Variants in KIAA0319L observed in about 807,000 individuals in gnomAD.
KIAA0319L encodes dyslexia-associated protein KIAA0319-like protein.
In KIAA0319L, 55 loss-of-function variants were observed where a neutral mutation model predicts 120.1. The observed-to-expected ratio is 0.46, with a 90% CI of 0.37 to 0.57. The LOEUF is 0.57. Among genes scored for constraint, KIAA0319L ranks in the 20% least tolerant of loss-of-function variants. The probability of loss-of-function intolerance (pLI) is 0.00; values close to 1 mark genes in which losing one functional copy is unlikely to be tolerated. For missense variants in KIAA0319L, 1,049 were observed against 1,255.3 expected (o/e 0.84, Z 2.48); for synonymous variants, 398 against 471.9 (o/e 0.84, Z 2.03).
At chr1:35,527,793 A>G (rs1205613274) in intron 2 of KIAA0319L, among the ~76,000 whole-genome samples, 1 of 151,754 alleles carries the variant, frequency 6.6e-6, no homozygotes, top group Non-Finnish European at 1.5e-5. Context: ...TAGTCTAGCT[A>G]GTGGTTTATT....
In KIAA0319L at chr1:35,453,598, T is replaced by G; in HGVS notation, c.1872A>C (p.Ser624=). 6.2e-7 allele frequency: 1 copy of G among 1,614,142 alleles called. No individual in the cohort carries two copies. Among genetic ancestry groups the G allele is most frequent in the Non-Finnish European group, 8.5e-7 (1 of 1,179,982 alleles). Residue 624 remains serine (S), a synonymous_variant, in exon 12 of 21, where the codon TCA becomes TCC. Transcript: ENST00000325722. The surrounding 1 kb of genome is among the most constrained non-coding windows in gnomAD (Gnocchi z 4.1). ...GATATGAGATAATTTTCTGATCATC[T>G]GAGCTCTTGCTGCCATCCAGGGTTG... ...DSTTLDGSKS[S]DDQKIISYLW...
chr1:35,530,946 G>A (rs1392739614), intron 2 of KIAA0319L, among the ~76,000 whole-genome samples: 2 of 152,228 alleles, frequency 1.3e-5, no homozygotes, highest in African/African-American at 4.8e-5. Flanking sequence ...GGCAACAGCA[G>A]CAGCAGTGCG....
intron 2 of KIAA0319L, among the ~76,000 whole-genome samples, chr1:35,530,215 G>A (rs1024442585): frequency 1.8e-5 from 2 of 108,708 alleles, no homozygotes; most frequent in Non-Finnish European, 4.0e-5. Flanking sequence ...TTTTTTTTTT[G>A]TAAAGTCAGG....
At chr1:35,532,268 C>A (rs1400854207) in intron 2 of KIAA0319L, among the ~76,000 whole-genome samples, 11 of 151,446 alleles carry the variant, frequency 7.3e-5, no homozygotes, top group Non-Finnish European at 1.5e-4. Context: ...GGAAGAGGTA[C>A]TCTGATCTCT....
intron 2 of KIAA0319L, among the ~76,000 whole-genome samples, chr1:35,521,377 G>A (rs1458728594): frequency 1.3e-5 from 2 of 152,028 alleles, no homozygotes; most frequent in East Asian, 3.9e-4. Flanking sequence ...GCTCACGCCT[G>A]TAATCCCAGC....
chr1:35,494,441 T>C (rs772746541), intron 3 of KIAA0319L, among the ~76,000 whole-genome samples: 1 of 151,592 alleles, frequency 6.6e-6, no homozygotes, highest in Non-Finnish European at 1.5e-5. Flanking sequence ...AGTGTGAGAC[T>C]CCGTCTCAAA....
chr1:35,510,569 A>G (rs569859439), intron 2 of KIAA0319L: 25 of 151,138 alleles, frequency 1.7e-4, no homozygotes, highest in African/African-American at 6.1e-4. Context: ...CACAGTGGAG[A>G]TAAGCCTTTT....
chr1:35,542,939 T>C (rs1240030167), intron 2 of KIAA0319L, among the ~76,000 whole-genome samples: 1 of 152,258 alleles, frequency 6.6e-6, no homozygotes, highest in African/African-American at 2.4e-5. Context: ...CCAATTATGC[T>C]AATTTTCTCA....
Position 35,478,971 on chromosome 1 carries a change from T to C in KIAA0319L, c.908A>G (p.Tyr303Cys), listed in dbSNP as rs1644025870. The C allele has an allele frequency of 1.2e-6, 2 of 1,613,792 alleles. No homozygotes were observed. Among genetic ancestry groups the C allele is most frequent in the South Asian group, 2.2e-5 (2 of 91,070 alleles). Residue 303 changes from tyrosine (Y) to cysteine (C), a missense_variant, in exon 4 of 21, where the codon TAC becomes TGC. Physicochemically the swap from Tyr to Cys is radical, Grantham distance 194 (BLOSUM62 -2). Coordinates refer to ENST00000325722, the MANE Select transcript of KIAA0319L (RefSeq NM_024874.5). ...CCAAGAGCAAAGGTCCTTACCTGGG[T>C]ATGGTGCTGAGGTGCTCTGGAAAGA... ...QASFQSTSAPYPVIKELVVSA... is the reference protein window; with the variant it reads ...QASFQSTSAPCPVIKELVVSA...
chr1:35,502,357 G>T (rs181696232), intron 3 of KIAA0319L, among the ~76,000 whole-genome samples: 6 of 151,160 alleles, frequency 4.0e-5, no homozygotes, highest in Non-Finnish European at 8.8e-5. Flanking sequence ...GTTAATACAC[G>T]TAAAGGGTTC....
intron 2 of KIAA0319L, among the ~76,000 whole-genome samples, chr1:35,512,871 C>T (rs1388158022): frequency 6.2e-5 from 3 of 48,390 alleles, no homozygotes; most frequent in African/African-American, 1.7e-4. Flanking sequence ...GACTCCATCT[C>T]AAAAAAAAAA....
intron 19 of KIAA0319L, 51 bp downstream of exon 19, chr1:35,442,195 C>T (rs780976863): frequency 5.8e-6 from 8 of 1,382,036 alleles, no homozygotes; most frequent in South Asian, 3.5e-5. Flanking sequence ...CTCTGAGGAA[C>T]GAATGTATGA....
chr1:35,441,712 T>C (rs1641235519), intron 19 of KIAA0319L, among the ~76,000 whole-genome samples: 1 of 152,074 alleles, frequency 6.6e-6, no homozygotes, highest in Admixed American at 6.6e-5. Context: ...GAAATAATAT[T>C]ATTAATAATG....
At chr1:35,466,300 G>T (rs570258287) in intron 7 of KIAA0319L, among the ~76,000 whole-genome samples, 1 of 152,182 alleles carries the variant, frequency 6.6e-6, no homozygotes, top group East Asian at 1.9e-4. Flanking sequence ...TGGCTTCCCT[G>T]TGTCTGTTAA....
intron 2 of KIAA0319L, among the ~76,000 whole-genome samples, chr1:35,532,219 C>T (rs371067687): frequency 6.8e-6 from 1 of 146,320 alleles, no homozygotes; most frequent in African/African-American, 2.5e-5. Context: ...CCAGCCTGGG[C>T]GACAGAGTGA....
Position 35,434,544 on chromosome 1 carries a change from C to A in KIAA0319L, c.*350G>T. On this transcript the variant is annotated 3_prime_UTR_variant, in exon 21 of 21. Transcript: ENST00000325722. Reference sequence around the variant, plus strand: ...TGTGCGGGCAGCACAGCAGGCCTCACCTTGCAGCACTCTGGGCACAATGAC... The same window carrying A: ...TGTGCGGGCAGCACAGCAGGCCTCAACTTGCAGCACTCTGGGCACAATGAC... 4.3e-6 allele frequency: 1 copy of A among 234,948 alleles called. No homozygotes were observed. The highest frequency in any genetic ancestry group is 8.2e-6 in the Non-Finnish European group (1 of 122,490). The allele number at this position is 234,948 out of a possible 1,614,324, so 14.6% of individuals were successfully genotyped here.
chr1:35,499,276 C>G, intron 3 of KIAA0319L, among the ~76,000 whole-genome samples: 1 of 137,908 alleles, frequency 7.3e-6, no homozygotes, highest in East Asian at 2.3e-4. Flanking sequence ...TCTAGCTAAC[C>G]CCCAAAGTGA....
At chr1:35,503,468 G>C (rs1645083073) in intron 3 of KIAA0319L, among the ~76,000 whole-genome samples, 1 of 152,330 alleles carries the variant, frequency 6.6e-6, no homozygotes, top group South Asian at 2.1e-4. Flanking sequence ...AAACTATGGA[G>C]TTGGGGCCCG....
chr1:35,521,784 A>G (rs1487760944), intron 2 of KIAA0319L, among the ~76,000 whole-genome samples: 1 of 152,016 alleles, frequency 6.6e-6, no homozygotes, highest in African/African-American at 2.4e-5. Context: ...CATCCTGGCT[A>G]ACACAGTGAA....
Sources: gnomAD v4.1 joint callset for allele counts (sites outside exome capture counted in the v4.1 genomes callset) on GRCh38, gnomAD v4.1.1 for gene constraint, Gnocchi (gnomAD v3.1) non-coding constraint, MANE v1.5 for transcripts, NCBI Gene and HGNC (gene_info 2026-07-23, HGNC 2026-07-21) for gene names.